THADA: variants seen among roughly 807,000 people sequenced by gnomAD.
THADA encodes the protein tRNA (32-2'-O)-methyltransferase regulator THADA.
Under a neutral mutation model 219.8 loss-of-function variants are expected in THADA, and 213 were observed. That is an observed-to-expected ratio of 0.97 (90% CI 0.87 to 1.09). THADA has a LOEUF of 1.09. Among genes scored for constraint, THADA ranks in the 50% least tolerant of loss-of-function variants. THADA has a pLI of 0.00. For synonymous variants in THADA, 1,018 were observed against 828.9 expected (o/e 1.23, Z -3.92); for missense variants, 2,956 against 2,311.3 (o/e 1.28, Z -5.72).
chr2:43,551,748 TC>T, intron 19 of THADA, 40 bp downstream of exon 19: 2 of 1,566,366 alleles, frequency 1.3e-6, no homozygotes, highest in Non-Finnish European at 1.7e-6. Context: ...GACATAATAA[TC>T]AAACCACAGC....
intron 26 of THADA, among the ~76,000 whole-genome samples, chr2:43,472,277 C>G (rs12712886): frequency 0.39 from 58,805 of 151,886 alleles, 12,313 homozygotes; most frequent in African/African-American, 0.53. Context: ...AGATGGAAAG[C>G]CCACAACTTA....
Position 43,571,775 on chromosome 2 carries a change from A to G in THADA, c.1996T>C (p.Phe666Leu), listed in dbSNP as rs754737388. Residue 666 changes from phenylalanine (F) to leucine (L), a missense_variant, in exon 13 of 38, where the codon TTT becomes CTT. Physicochemically the swap from Phe to Leu is conservative, Grantham distance 22. Coordinates refer to ENST00000405975, the MANE Select transcript of THADA (RefSeq NM_022065.5). ...SMEEMQWIQFFITYNLNSQSP... is the reference protein window; with the variant it reads ...SMEEMQWIQFLITYNLNSQSP... ...TGGCTGTTAAGATTGTATGTAATAAAGAACTGAATCCACTGCATTTCTTCC... is the reference window on the plus strand; with the variant it reads ...TGGCTGTTAAGATTGTATGTAATAAGGAACTGAATCCACTGCATTTCTTCC... The G allele has an allele frequency of 1.9e-5, 30 of 1,613,682 alleles. 1 individual carries two copies. The South Asian group carries it at 3.2e-4, about 17-fold the overall frequency.
At chr2:43,261,216 CTTTTTTTTTTTTT>C (rs1181680289) in intron 36 of THADA, among the ~76,000 whole-genome samples, 6 of 77,158 alleles carry the variant, frequency 7.8e-5, no homozygotes, top group South Asian at 3.8e-4. Context: ...TTGTGCATTT[CTTTTTTTTTTTTT>C]TTTTTTTTTT....
chr2:43,269,597 C>T (rs374071837), intron 36 of THADA, among the ~76,000 whole-genome samples: 15 of 152,232 alleles, frequency 9.9e-5, no homozygotes, highest in Non-Finnish European at 1.9e-4. Context: ...ACTTGGAATG[C>T]GGCAACCGGA....
At chr2:43,476,202 T>C (rs939930664) in intron 26 of THADA, among the ~76,000 whole-genome samples, 4 of 151,462 alleles carry the variant, frequency 2.6e-5, no homozygotes, top group African/African-American at 7.3e-5. Context: ...GTGTGTAGAG[T>C]GTGGAGGTGG....
At chr2:43,346,995 A>G (rs754333788) in intron 29 of THADA, among the ~76,000 whole-genome samples, 4 of 152,100 alleles carry the variant, frequency 2.6e-5, no homozygotes, top group Non-Finnish European at 5.9e-5. Flanking sequence ...GGGTTTTGTG[A>G]GCTATCGTAG....
At chr2:43,368,815 T>C (rs1670471570) in intron 29 of THADA, among the ~76,000 whole-genome samples, 1 of 152,174 alleles carries the variant, frequency 6.6e-6, no homozygotes, top group South Asian at 2.1e-4. Context: ...TTTTCTCTTC[T>C]CCAGTCCCCC....
intron 28 of THADA, among the ~76,000 whole-genome samples, chr2:43,400,457 T>TTTTATATATATA (rs1553427508): frequency 2.2e-5 from 2 of 89,904 alleles, no homozygotes; most frequent in Non-Finnish European, 5.3e-5. Context: ...ATAGACAAAT[T>TTTTATATATATA]TATATATATA....
rs1223649206 is a variant in THADA, at chr2:43,372,982, C to T, written c.4227+24989G>A. On this transcript the variant is annotated intron_variant, in intron 29 of 37. Transcript: ENST00000405975. ...CAGGGATTACAGGCATGAGCCACCA[C>T]GCCCAGCCAAGTCTAGTAAGTATTT... Among the ~76,000 whole-genome samples the T allele has an allele frequency of 2.0e-5, 3 of 152,116 alleles. No individual in the cohort carries two copies. The South Asian group carries it at 6.2e-4, about 32-fold the overall frequency.
chr2:43,576,351 C>A (rs1574334009), intron 10 of THADA, among the ~76,000 whole-genome samples: 1 of 152,138 alleles, frequency 6.6e-6, no homozygotes, highest in Non-Finnish European at 1.5e-5. Flanking sequence ...CACAAAAATA[C>A]AAAATACAGC....
intron 31 of THADA, among the ~76,000 whole-genome samples, chr2:43,306,908 G>A (rs1224659550): frequency 6.6e-6 from 1 of 152,048 alleles, no homozygotes; most frequent in Non-Finnish European, 1.5e-5. Context: ...TCCCAATGTT[G>A]GCTTTTTCTT....
intron 28 of THADA, among the ~76,000 whole-genome samples, chr2:43,404,135 C>T (rs147894493): frequency 2.6e-5 from 4 of 152,158 alleles, no homozygotes; most frequent in Non-Finnish European, 5.9e-5. Context: ...TGTACTTTTA[C>T]TCCTGTACTC....
intron 29 of THADA, among the ~76,000 whole-genome samples, chr2:43,393,183 G>T (rs888645825): frequency 3.9e-5 from 6 of 152,174 alleles, no homozygotes; most frequent in African/African-American, 1.4e-4. Context: ...CCTTTCACGG[G>T]TCGCAGCTTC....
At chr2:43,461,925 T>G (rs535805149) in intron 26 of THADA, among the ~76,000 whole-genome samples, 177 of 152,314 alleles carry the variant, frequency 1.2e-3, no homozygotes, top group African/African-American at 4.1e-3. Flanking sequence ...TTGCACTGGC[T>G]CCAGGCAATA....
At position 43,571,832 on chromosome 2, in the gene THADA, C is replaced by T; in HGVS notation, c.1939G>A (p.Glu647Lys). The T allele has an allele frequency of 6.2e-7, 1 of 1,613,872 alleles. No individual in the cohort carries two copies. The highest frequency in any genetic ancestry group is 8.5e-7 in the Non-Finnish European group (1 of 1,179,834). ...ACAATTTCTGTGCTCCGATTACTTT[C>T]ACAAAGCAAGCCTAATGTATCTATC... ...VRIDTLGLLC[E>K]SNRSTEIVSM... The change falls in exon 13 of 38, where the codon GAA (glutamate) becomes AAA (lysine). Residue 647 changes from glutamate (E) to lysine (K), a missense_variant. By Grantham distance (56) the Glu-to-Lys change is moderately conservative. Transcript: ENST00000405975.
chr2:43,329,884 T>C (rs1360413106), intron 30 of THADA, among the ~76,000 whole-genome samples: 4 of 152,254 alleles, frequency 2.6e-5, no homozygotes, highest in African/African-American at 4.8e-5. Flanking sequence ...ATTATGTTGA[T>C]AGAGACTTCG....
At chr2:43,525,712 G>A (rs938151489) in intron 22 of THADA, among the ~76,000 whole-genome samples, 4 of 152,200 alleles carry the variant, frequency 2.6e-5, no homozygotes, top group African/African-American at 9.7e-5. Flanking sequence ...GAATCACCCA[G>A]CTGAGCCCTG....
intron 26 of THADA, among the ~76,000 whole-genome samples, chr2:43,456,615 T>C (rs1482684518): frequency 6.6e-6 from 1 of 152,066 alleles, no homozygotes; most frequent in Non-Finnish European, 1.5e-5. Flanking sequence ...TTCTATAAAA[T>C]GGGAATAATA....
chr2:43,411,675 C>T (rs1016062302), intron 28 of THADA, among the ~76,000 whole-genome samples: 1 of 152,256 alleles, frequency 6.6e-6, no homozygotes, highest in Middle Eastern at 3.4e-3. Context: ...ATGGAGACTG[C>T]TGTGCAAAGT....
Sources: allele counts gnomAD v4.1 joint callset (sites outside exome capture counted in the v4.1 genomes callset), GRCh38; gene constraint gnomAD v4.1.1; transcripts MANE v1.5; gene names NCBI Gene and HGNC (gene_info 2026-07-23, HGNC 2026-07-21).